Variants in ZNF704 observed in about 807,000 individuals in gnomAD.
ZNF704 encodes the protein glucocorticoid induced gene 1.
A neutral mutation model predicts 44.7 loss-of-function variants in ZNF704; 10 were observed. The observed-to-expected ratio is 0.22, with a 90% CI of 0.14 to 0.38. ZNF704 has a LOEUF of 0.38. ZNF704 is among the 10% of genes least tolerant of loss of function. The pLI, the probability that ZNF704 is intolerant of heterozygous loss-of-function variation, is 1.00. For missense variants in ZNF704, 390 were observed against 545.5 expected, an observed-to-expected ratio of 0.71 and a Z score of 2.84; for synonymous variants, 211 against 207.6, an observed-to-expected ratio of 1.02 and a Z score of -0.14.
At chr8:80,862,764 CAAAAAAAAAA>C (rs71266094) in intron 1 of ZNF704, among the ~76,000 whole-genome samples, 7 of 13,098 alleles carry the variant, frequency 5.3e-4, no homozygotes, top group African/African-American at 1.0e-3. Flanking sequence ...GACTCCGTCT[CAAAAAAAAAA>C]AAAAAAAAAA....
intron 1 of ZNF704, among the ~76,000 whole-genome samples, chr8:80,869,531 T>C (rs1809213603): frequency 6.6e-6 from 1 of 152,210 alleles, no homozygotes; most frequent in African/African-American, 2.4e-5. Flanking sequence ...TCCAATCTAA[T>C]GGAGGAAGGT....
In ZNF704 at chr8:80,636,955, C is replaced by T. The variant is rs1009048470; in HGVS notation, c.*4411G>A. On this transcript the variant is annotated 3_prime_UTR_variant, in exon 9 of 9. Transcript: ENST00000327835. ...CTGCTGATAGCTAATAAACAGTCATCCATTGGGTAATGATAAAAAGGACCA... is the reference window on the plus strand; with the variant it reads ...CTGCTGATAGCTAATAAACAGTCATTCATTGGGTAATGATAAAAAGGACCA... 2 of 152,312 alleles carry T rather than the reference C, an allele frequency of 1.3e-5. No individual in the cohort carries two copies. The highest frequency in any genetic ancestry group is 2.4e-5 in the African/African-American group (1 of 41,564). The allele number at this position is 152,312 out of a possible 1,614,324, so 9.4% of individuals were successfully genotyped here. A position where few individuals can be genotyped will look rare whatever the true frequency, so the allele number is the denominator to read the frequency against.
chr8:80,713,869 C>A (rs1327750630), intron 2 of ZNF704, among the ~76,000 whole-genome samples: 2 of 152,180 alleles, frequency 1.3e-5, no homozygotes, highest in Non-Finnish European at 2.9e-5. Context: ...AGTAGAATAT[C>A]CTCTTCAGCA....
At position 80,797,832 on chromosome 8, in the gene ZNF704, G is replaced by A. The variant is rs78789542; in HGVS notation, c.221+23542C>T. 1.5e-3 allele frequency among the ~76,000 whole-genome samples: 228 copies of A among 152,064 alleles called. 1 individual carries two copies. The highest frequency in any genetic ancestry group is 5.3e-3 in the African/African-American group (218 of 41,498). ...TAAAGGTCACTGAAAAAAAAAGCAC[G>A]TTCTCCTGAACATGTTTTTTCACTC... On this transcript the variant is annotated intron_variant, in intron 2 of 8. Coordinates refer to ENST00000327835, the MANE Select transcript of ZNF704 (RefSeq NM_001033723.3).
intron 1 of ZNF704, among the ~76,000 whole-genome samples, chr8:80,843,511 C>T (rs1207347588): frequency 6.6e-6 from 1 of 152,234 alleles, no homozygotes; most frequent in Admixed American, 6.5e-5. Flanking sequence ...TACACTCTAG[C>T]TTCAAAAGGC....
intron 4 of ZNF704, among the ~76,000 whole-genome samples, chr8:80,686,190 T>C (rs780073782): frequency 5.3e-5 from 8 of 152,162 alleles, no homozygotes; most frequent in Non-Finnish European, 8.8e-5. Context: ...GTTTGAATGG[T>C]GGCTCTGTCC....
intron 2 of ZNF704, among the ~76,000 whole-genome samples, chr8:80,732,583 A>T (rs901263103): frequency 6.6e-6 from 1 of 152,218 alleles, no homozygotes; most frequent in African/African-American, 2.4e-5. Flanking sequence ...CTCCTTTCAG[A>T]TGGCTTTAGT....
At chr8:80,768,661 A>G (rs1807268683) in intron 2 of ZNF704, among the ~76,000 whole-genome samples, 1 of 151,390 alleles carries the variant, frequency 6.6e-6, no homozygotes, top group Non-Finnish European at 1.5e-5. Context: ...GGCGGTTAAC[A>G]TCGCATGCTA....
intron 6 of ZNF704, among the ~76,000 whole-genome samples, chr8:80,661,049 A>G (rs1032741384): frequency 4.6e-5 from 7 of 152,246 alleles, no homozygotes; most frequent in African/African-American, 1.7e-4. Context: ...TATTCATCTG[A>G]CAAGAGACTA....
chr8:80,668,648 G>C (rs1329944635), intron 5 of ZNF704, among the ~76,000 whole-genome samples: 2 of 152,212 alleles, frequency 1.3e-5, no homozygotes, highest in Non-Finnish European at 2.9e-5. Flanking sequence ...ACCAGCCCCT[G>C]GTGTACAAGA....
At chr8:80,690,641 C>T (rs935653290) in intron 3 of ZNF704, among the ~76,000 whole-genome samples, 13 of 152,152 alleles carry the variant, frequency 8.5e-5, no homozygotes, top group African/African-American at 2.7e-4. Flanking sequence ...CAGAGACCCC[C>T]CAGAAGAGCA....
chr8:80,665,653 A>C lies in ZNF704; in HGVS notation c.660-571T>G, dbSNP rs578223406. On this transcript the variant is annotated intron_variant, in intron 5 of 8. Coordinates refer to ENST00000327835, the MANE Select transcript of ZNF704 (RefSeq NM_001033723.3). ...CAACACAGCCATGTAACAAAACTGC[A>C]CTTGTACCCCCCCATTCAACCTCTG... Among the ~76,000 whole-genome samples, 43 of 152,290 alleles carry C rather than the reference A, an allele frequency of 2.8e-4. No individual in the cohort carries two copies. In the East Asian group the frequency reaches 7.3e-3, roughly 26 times the overall value.
chr8:80,724,953 A>G (rs1806449445), intron 2 of ZNF704, among the ~76,000 whole-genome samples: 1 of 152,172 alleles, frequency 6.6e-6, no homozygotes, highest in Admixed American at 6.5e-5. Flanking sequence ...ACTGTTTATC[A>G]TTTAAAGGCA....
chr8:80,805,622 T>G (rs549409423), intron 2 of ZNF704, among the ~76,000 whole-genome samples: 1 of 152,306 alleles, frequency 6.6e-6, no homozygotes, highest in Admixed American at 6.5e-5. Context: ...TTTAACAAAA[T>G]TTGTTCATTT....
upstream of ZNF704, among the ~76,000 whole-genome samples, chr8:80,877,187 A>G (rs529223567): frequency 6.7e-5 from 4 of 59,422 alleles, no homozygotes; most frequent in Non-Finnish European, 1.2e-4. Flanking sequence ...CTGAATGGGA[A>G]AAAAAAAAAA....
At chr8:80,775,861 A>C (rs906159725) in intron 2 of ZNF704, among the ~76,000 whole-genome samples, 2 of 152,186 alleles carry the variant, frequency 1.3e-5, no homozygotes, top group African/African-American at 4.8e-5. Context: ...TCTTCTTTAG[A>C]GGGAAAAACA....
chr8:80,724,546 A>C (rs930463969), intron 2 of ZNF704, among the ~76,000 whole-genome samples: 2 of 152,126 alleles, frequency 1.3e-5, no homozygotes, highest in Non-Finnish European at 2.9e-5. Context: ...TGATTCCCCC[A>C]AATGTCTCTC....
At chr8:80,693,541 G>A (rs755892117) in intron 2 of ZNF704, among the ~76,000 whole-genome samples, 5 of 152,326 alleles carry the variant, frequency 3.3e-5, no homozygotes, top group African/African-American at 7.2e-5. Flanking sequence ...ACAGGCTAAC[G>A]TGACAGTGCC....
chr8:80,700,787 A>C (rs1166948389), intron 2 of ZNF704, among the ~76,000 whole-genome samples: 1 of 148,262 alleles, frequency 6.7e-6, no homozygotes. Context: ...GTAGATTTGA[A>C]ACTTCCATAA....
Sources: gnomAD v4.1 joint callset for allele counts (sites outside exome capture counted in the v4.1 genomes callset) on GRCh38, gnomAD v4.1.1 for gene constraint, MANE v1.5 for transcripts, NCBI Gene and HGNC (gene_info 2026-07-23, HGNC 2026-07-21) for gene names.